Variants in PPFIBP2 observed in about 807,000 individuals in gnomAD.
PPFIBP2 encodes the protein PPFIB scaffold protein 2, also known as liprin-beta-2.
Under a neutral mutation model 118.3 loss-of-function variants are expected in PPFIBP2, and 118 were observed. That is an observed-to-expected ratio of 1.00 (90% CI 0.86 to 1.16). The LOEUF is 1.16. Ranked by LOEUF, PPFIBP2 falls within the 50% of genes most tolerant of loss-of-function variation. The probability of loss-of-function intolerance (pLI) is 0.00; values close to 1 mark genes in which losing one functional copy is unlikely to be tolerated. For missense variants in PPFIBP2, 1,195 were observed against 1,073.1 expected (o/e 1.11, Z -1.59); for synonymous variants, 414 against 397.4 (o/e 1.04, Z -0.50).
chr11:7,663,430 G>T, the PPFIBP2 span, among the ~76,000 whole-genome samples: 1 of 152,022 alleles, frequency 6.6e-6, no homozygotes, highest in African/African-American at 2.4e-5. Context: ...GTGTGCCCCT[G>T]CTGGGGGGTG....
chr11:7,653,654 T>TGAGCAACAGGGAC lies in PPFIBP2; in HGVS notation c.*437_*449dup. 7.7e-7 allele frequency: 1 copy of TGAGCAACAGGGAC among 1,292,374 alleles called. No individual in the cohort carries two copies. Among genetic ancestry groups the TGAGCAACAGGGAC allele is most frequent in the Non-Finnish European group, 1.0e-6 (1 of 991,078 alleles). 80.1% of individuals were successfully genotyped at this position (1,292,374 alleles called of 1,614,324 possible). A position where few individuals can be genotyped will look rare whatever the true frequency, so the allele number is the denominator to read the frequency against. ...ACAGTCTTGGCTGAGATCAAAGGGA[T>TGAGCAACAGGGAC]GAGCAACAGGGACTTCTGCCACAGT... On this transcript the variant is annotated 3_prime_UTR_variant, in exon 24 of 24. Coordinates refer to ENST00000299492, the MANE Select transcript of PPFIBP2 (RefSeq NM_003621.5).
At chr11:7,576,842 A>C (rs1264776413) in intron 3 of PPFIBP2, 1 of 152,410 alleles carries the variant, frequency 6.6e-6, no homozygotes, top group Non-Finnish European at 1.5e-5. Context: ...CCAAGAACCC[A>C]GACTGGAGCT....
chr11:7,537,735 A>T (rs1262101147), intron 1 of PPFIBP2, among the ~76,000 whole-genome samples: 1 of 152,136 alleles, frequency 6.6e-6, no homozygotes, highest in Non-Finnish European at 1.5e-5. Flanking sequence ...GGGTTTGGTG[A>T]TGCTCTGCTC....
At position 7,629,468 on chromosome 11, in the gene PPFIBP2, A is replaced by C; in HGVS notation, c.898A>C (p.Ile300Leu). The C allele has an allele frequency of 1.2e-6, 2 of 1,614,058 alleles. No individual in the cohort carries two copies. Among genetic ancestry groups the C allele is most frequent in the Non-Finnish European group, 1.7e-6 (2 of 1,179,928 alleles). The change falls in exon 10 of 24, where the codon ATA becomes CTA. Residue 300 changes from isoleucine (I) to leucine (L), a missense_variant. Ile to Leu is a conservative substitution (Grantham distance 5, BLOSUM62 2). Transcript: ENST00000299492. ...LLANEDKDRR[I>L]EELTGLLNQY... is the part of the protein sequence containing the mutation. ...ACTTGCACTATGGCAGGACCGTCGG[A>C]TAGAGGAGCTTACGGGGCTGTTAAA...
At chr11:7,596,168 A>T (rs1860251332) in intron 4 of PPFIBP2, among the ~76,000 whole-genome samples, 1 of 152,216 alleles carries the variant, frequency 6.6e-6, no homozygotes, top group African/African-American at 2.4e-5. Context: ...GGTATAGACC[A>T]TAGAAATGTT....
At chr11:7,627,410 C>T (rs1470340081) in intron 8 of PPFIBP2, among the ~76,000 whole-genome samples, 1 of 152,126 alleles carries the variant, frequency 6.6e-6, no homozygotes, top group Non-Finnish European at 1.5e-5. Flanking sequence ...ATACAACAAG[C>T]ATCCCAAAAG....
At chr11:7,655,333 C>A, downstream of PPFIBP2, 1 of 922,416 alleles carries the variant, frequency 1.1e-6, no homozygotes, top group Middle Eastern at 2.5e-4. Flanking sequence ...GAAGCATGCC[C>A]TGGAGAAGCC....
intron 3 of PPFIBP2, among the ~76,000 whole-genome samples, chr11:7,573,465 C>T (rs944705951): frequency 6.6e-6 from 1 of 152,218 alleles, no homozygotes; most frequent in African/African-American, 2.4e-5. Flanking sequence ...AGTACACAGC[C>T]ACACACTGGT....
At chr11:7,551,932 A>AAG (rs1375643981) in intron 2 of PPFIBP2, among the ~76,000 whole-genome samples, 1 of 152,128 alleles carries the variant, frequency 6.6e-6, no homozygotes, top group Non-Finnish European at 1.5e-5. Flanking sequence ...AGGGGCCCTA[A>AAG]GTGTGGGTTG....
At chr11:7,535,691 A>G (rs1032751596) in intron 1 of PPFIBP2, among the ~76,000 whole-genome samples, 12 of 152,244 alleles carry the variant, frequency 7.9e-5, no homozygotes, top group Non-Finnish European at 1.2e-4. Flanking sequence ...GCCGGCTCCA[A>G]TTTGGATGCC....
At position 7,638,734 on chromosome 11, in the gene PPFIBP2, C is replaced by T. The variant is rs74054308; in HGVS notation, c.1237-998C>T. On this transcript the variant is annotated intron_variant, in intron 14 of 23. Transcript: ENST00000299492. Reference sequence around the variant, plus strand: ...CAATTTCTCTTTTCTTTTATTCTCACTTTCACAGCACATTCCACTGTGTTT... The same window carrying T: ...CAATTTCTCTTTTCTTTTATTCTCATTTTCACAGCACATTCCACTGTGTTT... Among the ~76,000 whole-genome samples the T allele has an allele frequency of 9.6e-3, 1,458 of 152,294 alleles. 37 individuals are homozygous for T. The highest frequency in any genetic ancestry group is 0.033 in the African/African-American group (1,358 of 41,552).
At chr11:7,603,346 A>G (rs1846910630) in intron 5 of PPFIBP2, among the ~76,000 whole-genome samples, 1 of 152,228 alleles carries the variant, frequency 6.6e-6, no homozygotes, top group Non-Finnish European at 1.5e-5. Flanking sequence ...CAGAGAGATG[A>G]TTGAGTTAGT....
At chr11:7,665,690 C>A in the PPFIBP2 span, 2 of 1,137,178 alleles carry the variant, frequency 1.8e-6, no homozygotes, top group South Asian at 3.2e-5. Flanking sequence ...CTGCTCCCTG[C>A]AAAAAGCCTC....
At chr11:7,547,515 T>A (rs1021463484) in intron 1 of PPFIBP2, among the ~76,000 whole-genome samples, 8 of 151,976 alleles carry the variant, frequency 5.3e-5, no homozygotes, top group African/African-American at 1.7e-4. Context: ...CAGGTGAGAG[T>A]CTGCAGATTG....
intron 13 of PPFIBP2, among the ~76,000 whole-genome samples, chr11:7,634,927 T>C (rs1361101612): frequency 2.0e-5 from 3 of 152,094 alleles, no homozygotes; most frequent in African/African-American, 7.2e-5. Flanking sequence ...CCTGGGGCAC[T>C]TGGGGACATC....
At position 7,651,676 on chromosome 11, in the gene PPFIBP2, T is replaced by C; in HGVS notation, c.2268T>C (p.Thr756=). 1 of 1,611,414 alleles carries C rather than the reference T, an allele frequency of 6.2e-7. No individual in the cohort carries two copies. The highest frequency in any genetic ancestry group is 1.1e-5 in the South Asian group (1 of 90,870). ...GGLIILEPRF[T]GDTLAMLLNI... ...CTTAGATCCTGGAGCCACGCTTCACTGGGGACACCCTGGCTATGCTTCTCA... is the reference window on the plus strand; with the variant it reads ...CTTAGATCCTGGAGCCACGCTTCACCGGGGACACCCTGGCTATGCTTCTCA... The change falls in exon 23 of 24, where the codon ACT becomes ACC. Residue 756 remains threonine, a synonymous_variant. Transcript: ENST00000299492.
intron 5 of PPFIBP2, among the ~76,000 whole-genome samples, chr11:7,601,197 C>T (rs1227504566): frequency 6.6e-6 from 1 of 152,178 alleles, no homozygotes; most frequent in Non-Finnish European, 1.5e-5. Context: ...CACTGTATCC[C>T]CAACCACAAC....
chr11:7,593,016 A>G, intron 3 of PPFIBP2, 116 bp from the exon 4 acceptor site: 2 of 1,403,322 alleles, frequency 1.4e-6, no homozygotes, highest in Non-Finnish European at 1.9e-6. Flanking sequence ...TTGGTTTTGT[A>G]CATATAATCA....
At chr11:7,578,035 C>T (rs917277562) in intron 3 of PPFIBP2, among the ~76,000 whole-genome samples, 14 of 152,208 alleles carry the variant, frequency 9.2e-5, no homozygotes, top group Non-Finnish European at 1.9e-4. Flanking sequence ...TTGTTTAACT[C>T]GTTCTCACTC....
Sources: allele counts gnomAD v4.1 joint callset (sites outside exome capture counted in the v4.1 genomes callset), GRCh38; gene constraint gnomAD v4.1.1; transcripts MANE v1.5; gene names NCBI Gene and HGNC (gene_info 2026-07-23, HGNC 2026-07-21).